ZNF804A: variants seen among roughly 807,000 people sequenced by gnomAD.
ZNF804A encodes the protein zinc finger protein 804A.
Under a neutral mutation model 16.5 loss-of-function variants are expected in ZNF804A, and 2 were observed. The ratio of observed to expected loss-of-function variants is 0.12; its 90% confidence interval spans 0.05 to 0.38. The LOEUF (loss-of-function observed/expected upper bound fraction) is 0.38. Among genes scored for constraint, ZNF804A ranks in the 10% least tolerant of loss-of-function variants. The probability of loss-of-function intolerance (pLI) is 0.99; values close to 1 mark genes in which losing one functional copy is unlikely to be tolerated. For synonymous variants in ZNF804A, 534 were observed against 489.6 expected, an observed-to-expected ratio of 1.09 and a Z score of -1.20; for missense variants, 1,473 against 1,390.7, an observed-to-expected ratio of 1.06 and a Z score of -0.94.
intron 1 of ZNF804A, among the ~76,000 whole-genome samples, chr2:184,784,189 A>G (rs566478830): frequency 6.6e-6 from 1 of 151,946 alleles, no homozygotes; most frequent in Non-Finnish European, 1.5e-5. Context: ...GAACCATGTT[A>G]TCTTTTAAGG....
rs1250427041 is a variant in ZNF804A, at chr2:184,598,710, C to G, written c.-250C>G. Reference sequence around the variant, plus strand: ...GAATCCTCCCGCGGGGCTCGTCGTCCCGACGCGAATCTGAGGAGAAACAGG... The same window carrying G: ...GAATCCTCCCGCGGGGCTCGTCGTCGCGACGCGAATCTGAGGAGAAACAGG... On this transcript the variant is annotated 5_prime_UTR_variant, in exon 1 of 4. Transcript: ENST00000302277. 2 of 292,196 alleles carry G rather than the reference C, an allele frequency of 6.8e-6. No individual in the cohort carries two copies. Among genetic ancestry groups the G allele is most frequent in the Non-Finnish European group, 1.3e-5 (2 of 159,458 alleles). 18.1% of individuals were successfully genotyped at this position (292,196 alleles called of 1,614,324 possible). A position where few individuals can be genotyped will look rare whatever the true frequency, so the allele number is the denominator to read the frequency against.
At chr2:184,914,718 T>C (rs1411217173) in intron 2 of ZNF804A, among the ~76,000 whole-genome samples, 2 of 151,980 alleles carry the variant, frequency 1.3e-5, no homozygotes, top group African/African-American at 4.8e-5. Flanking sequence ...ATAACATTTT[T>C]GAAAAAGATA....
At chr2:184,758,117 A>G (rs1267201679) in intron 1 of ZNF804A, among the ~76,000 whole-genome samples, 4 of 151,988 alleles carry the variant, frequency 2.6e-5, no homozygotes, top group African/African-American at 9.7e-5. Flanking sequence ...AGACTCTACT[A>G]TGGGGAAATT....
intron 1 of ZNF804A, among the ~76,000 whole-genome samples, chr2:184,722,359 A>G (rs1224992465): frequency 6.6e-6 from 1 of 151,996 alleles, no homozygotes; most frequent in Non-Finnish European, 1.5e-5. Flanking sequence ...GTACATCGAA[A>G]TTTTACATCT....
chr2:184,707,349 C>G (rs554440642), intron 1 of ZNF804A, among the ~76,000 whole-genome samples: 1 of 152,106 alleles, frequency 6.6e-6, no homozygotes, highest in South Asian at 2.1e-4. Flanking sequence ...TGTTACATGA[C>G]TATATTGTGT....
chr2:184,624,375 C>T (rs1487172110), intron 1 of ZNF804A, among the ~76,000 whole-genome samples: 1 of 152,152 alleles, frequency 6.6e-6, no homozygotes. Flanking sequence ...GAAAGTCTTT[C>T]ATCTCACTTT....
Position 184,704,207 on chromosome 2 carries a change from A to G in ZNF804A, c.111+105137A>G, listed in dbSNP as rs1340418781. ...ACTCTTGTTGCCCAGGCTGGAGTGC[A>G]GTGGCGCCATCTCTACTCACGGCAA... On this transcript the variant is annotated intron_variant, in intron 1 of 3. Transcript: ENST00000302277. Among the ~76,000 whole-genome samples, 6 of 149,918 alleles carry G rather than the reference A, an allele frequency of 4.0e-5. No homozygotes were observed. The East Asian group carries it at 9.8e-4, about 25-fold the overall frequency.
At chr2:184,888,744 T>C (rs1161883615) in intron 2 of ZNF804A, among the ~76,000 whole-genome samples, 4 of 152,198 alleles carry the variant, frequency 2.6e-5, no homozygotes, top group Middle Eastern at 6.8e-3. Context: ...GTTTTACTTA[T>C]TGGAGGCATA....
At chr2:184,763,892 T>G (rs1318147580) in intron 1 of ZNF804A, among the ~76,000 whole-genome samples, 1 of 151,978 alleles carries the variant, frequency 6.6e-6, no homozygotes, top group South Asian at 2.1e-4. Context: ...TCTGCCTGCC[T>G]CAGCCTCCCA....
chr2:184,910,774 T>C (rs1249107237), intron 2 of ZNF804A, among the ~76,000 whole-genome samples: 2 of 152,104 alleles, frequency 1.3e-5, no homozygotes. Context: ...GTATATCTTC[T>C]TTTGAGATGT....
chr2:184,934,404 A>G (rs780444859), intron 3 of ZNF804A, among the ~76,000 whole-genome samples: 2 of 152,140 alleles, frequency 1.3e-5, no homozygotes, highest in Non-Finnish European at 2.9e-5. Context: ...CTCTCTTATT[A>G]TTGTCTATAT....
intron 1 of ZNF804A, among the ~76,000 whole-genome samples, chr2:184,723,734 A>G (rs775146830): frequency 2.0e-5 from 3 of 151,734 alleles, no homozygotes; most frequent in Non-Finnish European, 4.4e-5. Context: ...TGAAAACAGC[A>G]ATGATTTTCC....
chr2:184,858,515 A>AG (rs539633055), intron 1 of ZNF804A, among the ~76,000 whole-genome samples: 40 of 151,828 alleles, frequency 2.6e-4, no homozygotes, highest in Non-Finnish European at 5.0e-4. Flanking sequence ...AAAAAAAAAA[A>AG]AAAAGATAAC....
chr2:184,628,707 A>C (rs1381114030), intron 1 of ZNF804A, among the ~76,000 whole-genome samples: 1 of 152,090 alleles, frequency 6.6e-6, no homozygotes, highest in Non-Finnish European at 1.5e-5. Flanking sequence ...ATGGTACAGA[A>C]TCGTGGTATT....
intron 1 of ZNF804A, among the ~76,000 whole-genome samples, chr2:184,634,066 G>T (rs1181252641): frequency 6.6e-6 from 1 of 152,086 alleles, no homozygotes; most frequent in Non-Finnish European, 1.5e-5. Flanking sequence ...AAAGAAAAAA[G>T]TATTGAAGTT....
chr2:184,899,259 C>T (rs1685138316), intron 2 of ZNF804A, among the ~76,000 whole-genome samples: 1 of 151,960 alleles, frequency 6.6e-6, no homozygotes, highest in South Asian at 2.1e-4. Flanking sequence ...GGCATCAAAT[C>T]TTGGCTTTAG....
intron 1 of ZNF804A, among the ~76,000 whole-genome samples, chr2:184,612,624 A>G (rs1410238376): frequency 6.6e-6 from 1 of 151,968 alleles, no homozygotes; most frequent in Non-Finnish European, 1.5e-5. Context: ...TAGTAGAGAC[A>G]GGGTTTCTCT....
intron 1 of ZNF804A, among the ~76,000 whole-genome samples, chr2:184,613,435 C>T (rs568966724): frequency 4.9e-4 from 74 of 152,232 alleles, no homozygotes; most frequent in Non-Finnish European, 8.2e-4. Context: ...GAAATGTAAA[C>T]AATAATTCAT....
At chr2:184,910,569 T>C (rs939542626) in intron 2 of ZNF804A, among the ~76,000 whole-genome samples, 2 of 152,122 alleles carry the variant, frequency 1.3e-5, no homozygotes, top group African/African-American at 4.8e-5. Flanking sequence ...CCACAGTAGC[T>C]GAGCTAATTT....
Sources: gnomAD v4.1 joint callset for allele counts (sites outside exome capture counted in the v4.1 genomes callset) on GRCh38, gnomAD v4.1.1 for gene constraint, MANE v1.5 for transcripts, NCBI Gene and HGNC (gene_info 2026-07-23, HGNC 2026-07-21) for gene names.